SPRED2: variants seen among roughly 807,000 people sequenced by gnomAD.
The protein encoded by SPRED2 is sprouty related EVH1 domain containing 2.
A neutral mutation model predicts 43.0 loss-of-function variants in SPRED2; 47 were observed. The observed-to-expected ratio is 1.09, with a 90% confidence interval of 0.87 to 1.40. The LOEUF is 1.40. Ranked by LOEUF, SPRED2 falls within the 40% of genes most tolerant of loss-of-function variation. The pLI, the probability that SPRED2 is intolerant of heterozygous loss-of-function variation, is 0.00. For missense variants in SPRED2, 561 were observed against 586.4 expected, an observed-to-expected ratio of 0.96 and a Z score of 0.45; for synonymous variants, 225 against 225.7, an observed-to-expected ratio of 1.00 and a Z score of 0.03.
At chr2:65,360,896 A>G (rs941368575) in intron 1 of SPRED2, among the ~76,000 whole-genome samples, 1 of 152,260 alleles carries the variant, frequency 6.6e-6, no homozygotes, top group Non-Finnish European at 1.5e-5. Context: ...AAAGAACCCC[A>G]AATTTAGAAA....
chr2:65,385,742 AC>A, intron 1 of SPRED2, among the ~76,000 whole-genome samples: 1 of 152,248 alleles, frequency 6.6e-6, no homozygotes, highest in Non-Finnish European at 1.5e-5. Context: ...GGAAATGATG[AC>A]CTTTTCAGGG....
At chr2:65,391,003 G>A (rs1298313193) in intron 1 of SPRED2, among the ~76,000 whole-genome samples, 2 of 151,072 alleles carry the variant, frequency 1.3e-5, no homozygotes, top group South Asian at 2.1e-4. Flanking sequence ...TGGGAGAATC[G>A]CTTGAGCCTG....
chr2:65,378,064 C>G (rs188690532), intron 1 of SPRED2: 26 of 191,368 alleles, frequency 1.4e-4, no homozygotes, highest in Admixed American at 1.2e-3. Flanking sequence ...GAGAGCCCAT[C>G]CAGTAAACAT....
Position 65,314,006 on chromosome 2 carries a change from TAGG to T in SPRED2, c.749_751del (p.Ser250del), listed in dbSNP as rs777843155. 2 of 1,613,936 alleles carry T rather than the reference TAGG, an allele frequency of 1.2e-6. No homozygotes were observed. The highest frequency in any genetic ancestry group is 2.2e-5 in the East Asian group (1 of 44,854). ...GACCTCGCCCTTGGCGAAGCGCACG[TAGG>T]AGGAGTCCGCGTCCTCCGAGGGGTC... On this transcript the variant is annotated inframe_deletion, in exon 6 of 6. Transcript: ENST00000356388.
chr2:65,399,919 G>T (rs1675844087), intron 1 of SPRED2, among the ~76,000 whole-genome samples: 2 of 151,934 alleles, frequency 1.3e-5, no homozygotes, highest in South Asian at 4.1e-4. Context: ...TACCACTAAA[G>T]AACTTATTCA....
At chr2:65,430,041 C>G (rs1353971538) in intron 1 of SPRED2, among the ~76,000 whole-genome samples, 1 of 152,182 alleles carries the variant, frequency 6.6e-6, no homozygotes, top group Non-Finnish European at 1.5e-5. Flanking sequence ...AGTGGTCAAA[C>G]CTCTCCAAGA....
chr2:65,424,251 G>A (rs146851016), intron 1 of SPRED2, among the ~76,000 whole-genome samples: 115 of 152,148 alleles, frequency 7.6e-4, no homozygotes, highest in Non-Finnish European at 1.4e-3. Flanking sequence ...CATCATGGCA[G>A]CCTCTCCTTT....
At chr2:65,410,675 C>T (rs905356988) in intron 1 of SPRED2, among the ~76,000 whole-genome samples, 26 of 151,174 alleles carry the variant, frequency 1.7e-4, no homozygotes, top group Admixed American at 4.0e-4. Context: ...AGGAGAATGG[C>T]GTGAACCCGC....
At chr2:65,356,482 C>T (rs999922446) in intron 1 of SPRED2, among the ~76,000 whole-genome samples, 18 of 145,226 alleles carry the variant, frequency 1.2e-4, no homozygotes, top group African/African-American at 4.5e-4. Context: ...TGGTACTAAA[C>T]AGAATCTGAT....
Position 65,344,853 on chromosome 2 carries a change from C to G in SPRED2, c.70G>C (p.Asp24His). The G allele has an allele frequency of 6.2e-7, 1 of 1,614,140 alleles. No individual in the cohort carries two copies. Among genetic ancestry groups the G allele is most frequent in the Non-Finnish European group, 8.5e-7 (1 of 1,180,026 alleles). ...VRVKAVVMTRDDSSGGWFPQE... is the reference protein window; with the variant it reads ...VRVKAVVMTRHDSSGGWFPQE... ...GGGAACCATCCCCCGCTGGAGTCAT[C>G]TCTGGTCATAACCACAGCCTTGACA... Residue 24 changes from aspartate (D) to histidine (H), a missense_variant, in exon 2 of 6, where the codon GAT becomes CAT. This residue lies in a region of SPRED2 where 305 missense variants were observed against 282.4 expected (regional missense o/e 1.08). Transcript: ENST00000356388.
At chr2:65,419,924 G>C (rs535925136) in intron 1 of SPRED2, among the ~76,000 whole-genome samples, 1 of 152,012 alleles carries the variant, frequency 6.6e-6, no homozygotes, top group South Asian at 2.1e-4. Context: ...AAATGTGACA[G>C]CCAGGCCAGG....
intron 1 of SPRED2, among the ~76,000 whole-genome samples, chr2:65,358,700 A>C (rs947469824): frequency 6.6e-6 from 1 of 152,246 alleles, no homozygotes; most frequent in Non-Finnish European, 1.5e-5. Flanking sequence ...AGTTGTTTGA[A>C]ATTGGAATGT....
intron 1 of SPRED2, among the ~76,000 whole-genome samples, chr2:65,419,598 T>C: frequency 6.6e-6 from 1 of 151,804 alleles, no homozygotes; most frequent in African/African-American, 2.4e-5. Context: ...TGTGTGTGTG[T>C]GTGTGTGTGT....
intron 1 of SPRED2, among the ~76,000 whole-genome samples, chr2:65,382,810 A>AC (rs1675403154): frequency 6.6e-6 from 1 of 152,174 alleles, no homozygotes; most frequent in African/African-American, 2.4e-5. Flanking sequence ...TACAAGCCTC[A>AC]TTTCCAGGTT....
intron 1 of SPRED2, among the ~76,000 whole-genome samples, chr2:65,397,887 A>C (rs1675795205): frequency 6.6e-6 from 1 of 152,200 alleles, no homozygotes; most frequent in Admixed American, 6.5e-5. Flanking sequence ...AGAAAAAAAA[A>C]TCCTAAAATT....
chr2:65,343,571 G>C (rs891673181), intron 2 of SPRED2, among the ~76,000 whole-genome samples: 2 of 151,968 alleles, frequency 1.3e-5, no homozygotes, highest in African/African-American at 2.4e-5. Context: ...TTTCTCTGTG[G>C]GATCCTGCAC....
intron 4 of SPRED2, among the ~76,000 whole-genome samples, chr2:65,321,173 C>T (rs565953236): frequency 6.6e-6 from 1 of 152,302 alleles, no homozygotes; most frequent in Admixed American, 6.5e-5. Flanking sequence ...ATGACTGCAG[C>T]ATCCTGAGAG....
At chr2:65,331,484 C>T (rs561848940) in intron 4 of SPRED2, among the ~76,000 whole-genome samples, 1 of 152,278 alleles carries the variant, frequency 6.6e-6, no homozygotes, top group East Asian at 1.9e-4. Context: ...TTGGGCCTAA[C>T]CTTAAGTCAG....
chr2:65,309,128 C>T (rs1672999753), downstream of SPRED2, among the ~76,000 whole-genome samples: 1 of 149,574 alleles, frequency 6.7e-6, no homozygotes, highest in Admixed American at 6.7e-5. Flanking sequence ...TGCACTCCAG[C>T]CTGGGCAACA....
Sources: allele counts gnomAD v4.1 joint callset (sites outside exome capture counted in the v4.1 genomes callset), GRCh38; gene constraint gnomAD v4.1.1; regional missense constraint gnomAD v4.1.1; transcripts MANE v1.5; gene names NCBI Gene and HGNC (gene_info 2026-07-23, HGNC 2026-07-21).